Variants in ARHGAP15 observed in about 807,000 individuals in gnomAD.
The protein encoded by ARHGAP15 is Rho GTPase activating protein 15.
ARHGAP15 carries 51 observed loss-of-function variants against 63.7 expected under a neutral mutation model. The ratio of observed to expected loss-of-function variants is 0.80; its 90% confidence interval spans 0.64 to 1.01. The LOEUF (loss-of-function observed/expected upper bound fraction) is 1.01, where lower values mean the gene tolerates loss of function less well. Among genes scored for constraint, ARHGAP15 ranks in the 50% least tolerant of loss-of-function variants. ARHGAP15 has a pLI of 0.00. For synonymous variants in ARHGAP15, 191 were observed against 193.8 expected (o/e 0.99, Z 0.12); for missense variants, 560 against 564.6 (o/e 0.99, Z 0.08).
intron 6 of ARHGAP15, among the ~76,000 whole-genome samples, chr2:143,413,966 T>TGTGTGTGTGTGTGTGTGTGCGCGCGC: frequency 5.1e-5 from 6 of 117,910 alleles, no homozygotes; most frequent in African/African-American, 2.1e-4. Flanking sequence ...TGTGTGTGTG[T>TGTGTGTGTGTGTGTGTGTGCGCGCGC]GCGCGCTCTC....
At chr2:143,316,542 TTA>T (rs1683719505) in intron 6 of ARHGAP15, among the ~76,000 whole-genome samples, 1 of 147,470 alleles carries the variant, frequency 6.8e-6, no homozygotes, top group Non-Finnish European at 1.5e-5. Context: ...ATAACATATA[TTA>T]AAATATATGT....
chr2:143,467,063 A>T (rs1050404547), intron 8 of ARHGAP15, among the ~76,000 whole-genome samples: 2 of 152,124 alleles, frequency 1.3e-5, no homozygotes, highest in Non-Finnish European at 2.9e-5. Flanking sequence ...AAAATATCTT[A>T]GTGATACATG....
intron 1 of ARHGAP15, among the ~76,000 whole-genome samples, chr2:143,149,882 A>G (rs931055509): frequency 1.3e-5 from 2 of 152,082 alleles, no homozygotes; most frequent in African/African-American, 4.8e-5. Context: ...GAAGCAGAGG[A>G]ACATTTATAA....
intron 6 of ARHGAP15, among the ~76,000 whole-genome samples, chr2:143,408,205 T>G (rs1688294688): frequency 6.7e-6 from 1 of 149,184 alleles, no homozygotes; most frequent in Non-Finnish European, 1.5e-5. Flanking sequence ...CTTTGGACAG[T>G]CTCTCTCCCT....
chr2:143,378,936 A>G (rs1474299570), intron 6 of ARHGAP15, among the ~76,000 whole-genome samples: 1 of 152,046 alleles, frequency 6.6e-6, no homozygotes, highest in Non-Finnish European at 1.5e-5. Flanking sequence ...TTGATGTTAC[A>G]TGTGATAAAC....
chr2:143,537,385 A>G (rs1227698280), intron 10 of ARHGAP15, among the ~76,000 whole-genome samples: 1 of 152,112 alleles, frequency 6.6e-6, no homozygotes, highest in Non-Finnish European at 1.5e-5. Context: ...TAGTTTAATT[A>G]GATCCCATTT....
chr2:143,577,949 T>G (rs1466822095), intron 11 of ARHGAP15, among the ~76,000 whole-genome samples: 1 of 152,172 alleles, frequency 6.6e-6, no homozygotes, highest in Non-Finnish European at 1.5e-5. Flanking sequence ...ACTGTACAGA[T>G]AGAAGAGATG....
intron 10 of ARHGAP15, 142 bp from the exon 11 acceptor site, chr2:143,556,266 G>T (rs1431786585): frequency 3.5e-6 from 2 of 569,184 alleles, no homozygotes; most frequent in Non-Finnish European, 6.1e-6. Flanking sequence ...TTAAAATTTT[G>T]AAGATTGCAT....
At chr2:143,360,439 T>C (rs112266352) in intron 6 of ARHGAP15, among the ~76,000 whole-genome samples, 3 of 151,906 alleles carry the variant, frequency 2.0e-5, no homozygotes, top group African/African-American at 7.3e-5. Flanking sequence ...ATCAAAAGAT[T>C]ATTCTAGGAC....
At chr2:143,468,160 A>C (rs1299475423) in intron 8 of ARHGAP15, among the ~76,000 whole-genome samples, 1 of 151,954 alleles carries the variant, frequency 6.6e-6, no homozygotes, top group African/African-American at 2.4e-5. Context: ...AAAAATTTCA[A>C]GGGGAATGGG....
intron 3 of ARHGAP15, among the ~76,000 whole-genome samples, chr2:143,210,246 C>T (rs920899168): frequency 1.3e-5 from 2 of 152,110 alleles, no homozygotes; most frequent in East Asian, 3.9e-4. Flanking sequence ...ATAGTAAAAG[C>T]CTCCAGAAGA....
chr2:143,169,060 T>C (rs914342271), intron 2 of ARHGAP15, among the ~76,000 whole-genome samples: 23 of 152,088 alleles, frequency 1.5e-4, no homozygotes, highest in African/African-American at 5.1e-4. Flanking sequence ...ATTTCTCGAC[T>C]TGCAACTGGC....
intron 6 of ARHGAP15, among the ~76,000 whole-genome samples, chr2:143,373,579 A>T (rs1451417668): frequency 6.8e-6 from 1 of 146,004 alleles, no homozygotes; most frequent in Admixed American, 6.9e-5. Flanking sequence ...GCAGTGAGCC[A>T]AGATAGCACC....
intron 10 of ARHGAP15, among the ~76,000 whole-genome samples, chr2:143,550,778 A>G (rs909974583): frequency 6.6e-6 from 1 of 152,234 alleles, no homozygotes; most frequent in African/African-American, 2.4e-5. Context: ...AAACCCCAAC[A>G]TGTTCCCTTT....
At chr2:143,191,854 C>A (rs1263661716) in intron 2 of ARHGAP15, among the ~76,000 whole-genome samples, 3 of 152,168 alleles carry the variant, frequency 2.0e-5, no homozygotes, top group African/African-American at 7.2e-5. Context: ...TGGTACTAAC[C>A]TGGAGGTAAA....
chr2:143,514,186 A>T (rs1693708352), intron 9 of ARHGAP15, among the ~76,000 whole-genome samples: 1 of 152,154 alleles, frequency 6.6e-6, no homozygotes, highest in Non-Finnish European at 1.5e-5. Context: ...TTACATTTTC[A>T]GGCTGGCACA....
chr2:143,640,214 G>T (rs775768291), intron 12 of ARHGAP15, among the ~76,000 whole-genome samples: 4 of 152,064 alleles, frequency 2.6e-5, no homozygotes, highest in Non-Finnish European at 5.9e-5. Flanking sequence ...GTGCTTTGTG[G>T]TGGTTGTTTC....
chr2:143,361,391 C>T (rs140245420), intron 6 of ARHGAP15, among the ~76,000 whole-genome samples: 1 of 152,164 alleles, frequency 6.6e-6, no homozygotes, highest in Non-Finnish European at 1.5e-5. Context: ...TAAGAGAGAC[C>T]TCTGTATTTC....
intron 6 of ARHGAP15, among the ~76,000 whole-genome samples, chr2:143,434,928 ACTT>A (rs1319929186): frequency 6.6e-6 from 1 of 152,148 alleles, no homozygotes; most frequent in Non-Finnish European, 1.5e-5. Context: ...ATTGCCAACT[ACTT>A]AGCAGTCTGA....
Sources: allele counts gnomAD v4.1 joint callset (sites outside exome capture counted in the v4.1 genomes callset), GRCh38; gene constraint gnomAD v4.1.1; transcripts MANE v1.5; gene names NCBI Gene and HGNC (gene_info 2026-07-23, HGNC 2026-07-21).